The following KAZN variants were observed in gnomAD, a reference collection of about 807,000 sequenced individuals.
KAZN encodes the protein kazrin, periplakin interacting protein, also known as kazrin.
A neutral mutation model predicts 87.4 loss-of-function variants in KAZN; 40 were observed. The ratio of observed to expected loss-of-function variants is 0.46; its 90% CI spans 0.36 to 0.60. The LOEUF (loss-of-function observed/expected upper bound fraction) is 0.60. KAZN is among the 20% of genes least tolerant of loss of function. KAZN has a pLI of 0.00. For missense variants in KAZN, 898 were observed against 1,073.9 expected, an observed-to-expected ratio of 0.84 and a Z score of 2.29; for synonymous variants, 466 against 458.3, an observed-to-expected ratio of 1.02 and a Z score of -0.22.
intron 1 of KAZN, among the ~76,000 whole-genome samples, chr1:14,952,255 T>TGTGTGTGTG (rs1473355684): frequency 6.6e-6 from 1 of 151,562 alleles, no homozygotes; most frequent in African/African-American, 2.4e-5. Flanking sequence ...TGTGTGTGTG[T>TGTGTGTGTG]GTGTGTGTGT....
At chr1:14,337,634 G>A (rs776139069) in intron 2 of KAZN, among the ~76,000 whole-genome samples, 3 of 152,092 alleles carry the variant, frequency 2.0e-5, no homozygotes, top group Non-Finnish European at 2.9e-5. Context: ...GGTGGCTCAC[G>A]CCTGTAATCT....
chr1:14,903,792 A>G (rs572656769), intron 1 of KAZN, among the ~76,000 whole-genome samples: 1 of 152,238 alleles, frequency 6.6e-6, no homozygotes, highest in Non-Finnish European at 1.5e-5. Flanking sequence ...TAACCTTAGT[A>G]GGTTACATGT....
At chr1:14,327,332 G>A (rs939853750) in intron 2 of KAZN, among the ~76,000 whole-genome samples, 1 of 152,070 alleles carries the variant, frequency 6.6e-6, no homozygotes, top group African/African-American at 2.4e-5. Flanking sequence ...CACCTCCTGA[G>A]CCCCAGCCAC....
At chr1:14,410,099 A>T (rs897923419) in intron 2 of KAZN, among the ~76,000 whole-genome samples, 2 of 152,192 alleles carry the variant, frequency 1.3e-5, no homozygotes, top group African/African-American at 4.8e-5. Context: ...TAATTGGAAA[A>T]GTCCAATTTA....
chr1:14,371,506 T>C (rs1660480745), intron 2 of KAZN, among the ~76,000 whole-genome samples: 1 of 152,004 alleles, frequency 6.6e-6, no homozygotes, highest in Non-Finnish European at 1.5e-5. Flanking sequence ...AGGGCTAAAT[T>C]GGAAAAGGGT....
intron 1 of KAZN, among the ~76,000 whole-genome samples, chr1:14,920,695 C>G (rs1198970509): frequency 6.6e-6 from 1 of 152,164 alleles, no homozygotes; most frequent in Non-Finnish European, 1.5e-5. Flanking sequence ...AACAGTGGAG[C>G]ATTCACCCAA....
intron 2 of KAZN, among the ~76,000 whole-genome samples, chr1:14,407,756 A>ATGTC (rs1420322377): frequency 6.6e-6 from 1 of 152,194 alleles, no homozygotes; most frequent in East Asian, 1.9e-4. Context: ...AACAAAAACC[A>ATGTC]TGTCTTTTTT....
chr1:14,339,256 GGAAGA>G, intron 2 of KAZN, among the ~76,000 whole-genome samples: 1 of 152,190 alleles, frequency 6.6e-6, no homozygotes, highest in Admixed American at 6.5e-5. Context: ...CTTTGAATGG[GGAAGA>G]GAAAAAAGCA....
At chr1:14,085,575 C>G (rs1011612098) in intron 1 of KAZN, among the ~76,000 whole-genome samples, 1 of 152,224 alleles carries the variant, frequency 6.6e-6, no homozygotes, top group Non-Finnish European at 1.5e-5. Context: ...TTTTGACAGT[C>G]ATTCATGTTG....
At position 14,841,400 on chromosome 1, in the gene KAZN, C is replaced by T. The variant is rs532153414; in HGVS notation, c.227-119284C>T. On this transcript the variant is annotated intron_variant, in intron 1 of 14. Coordinates refer to ENST00000376030, the MANE Select transcript of KAZN (RefSeq NM_201628.3). The stretch of plus-strand genomic sequence containing the variant: ...CAGCCTGGGCGACAGAGCAAGACTC[C>T]GTCTCAAAAAAAAAAAAAAAAAAAA... Among the ~76,000 whole-genome samples, 682 of 96,244 alleles carry T rather than the reference C, an allele frequency of 7.1e-3. 7 individuals are homozygous for T. The highest frequency in any genetic ancestry group is 0.033 in the Middle Eastern group (3 of 92). The allele number at this position is 96,244 out of a possible 152,430, so 63.1% of individuals were successfully genotyped here. A position where few individuals can be genotyped will look rare whatever the true frequency, so the allele number is the denominator to read the frequency against.
chr1:14,229,471 A>G (rs551928197), intron 2 of KAZN, among the ~76,000 whole-genome samples: 1 of 152,348 alleles, frequency 6.6e-6, no homozygotes, highest in East Asian at 1.9e-4. Flanking sequence ...ATATAAAGGT[A>G]TGATCATATT....
At chr1:14,911,049 G>A (rs561290606) in intron 1 of KAZN, among the ~76,000 whole-genome samples, 1 of 152,286 alleles carries the variant, frequency 6.6e-6, no homozygotes, top group Admixed American at 6.5e-5. Flanking sequence ...TGAATCTGAG[G>A]CACCGTGAAC....
At chr1:14,576,448 G>C (rs1675191745) in intron 2 of KAZN, among the ~76,000 whole-genome samples, 1 of 151,990 alleles carries the variant, frequency 6.6e-6, no homozygotes, top group Non-Finnish European at 1.5e-5. Flanking sequence ...ACAATGGATG[G>C]ATGGATGGAT....
intron 1 of KAZN, among the ~76,000 whole-genome samples, chr1:14,064,779 G>C (rs1181228291): frequency 6.6e-6 from 1 of 152,184 alleles, no homozygotes; most frequent in Non-Finnish European, 1.5e-5. Flanking sequence ...TCAGGTGACT[G>C]TGCTTCTCCC....
chr1:15,080,582 CT>C (rs2100628521), intron 8 of KAZN, among the ~76,000 whole-genome samples: 1 of 152,330 alleles, frequency 6.6e-6, no homozygotes, highest in South Asian at 2.1e-4. Flanking sequence ...TTTCATGGGG[CT>C]TGTGACTGAG....
chr1:14,023,462 A>G (rs958194328), intron 1 of KAZN, among the ~76,000 whole-genome samples: 1 of 152,230 alleles, frequency 6.6e-6, no homozygotes, highest in Non-Finnish European at 1.5e-5. Context: ...CCATTTCTGC[A>G]GATGAGGAAA....
chr1:13,974,877 G>A (rs1638253277), intron 1 of KAZN, among the ~76,000 whole-genome samples: 1 of 152,128 alleles, frequency 6.6e-6, no homozygotes, highest in Non-Finnish European at 1.5e-5. Flanking sequence ...ATACCCTGGA[G>A]GTCTCACACA....
intron 2 of KAZN, among the ~76,000 whole-genome samples, chr1:14,255,718 C>G (rs1221408273): frequency 6.6e-6 from 1 of 152,218 alleles, no homozygotes; most frequent in Non-Finnish European, 1.5e-5. Context: ...AACCCCTTTA[C>G]AAGTGTGACA....
At chr1:14,573,171 A>G (rs1674973914) in intron 2 of KAZN, among the ~76,000 whole-genome samples, 1 of 152,194 alleles carries the variant, frequency 6.6e-6, no homozygotes, top group Non-Finnish European at 1.5e-5. Flanking sequence ...TAAACTACAC[A>G]GTGCTTCCCA....
Sources: allele counts gnomAD v4.1 joint callset (sites outside exome capture counted in the v4.1 genomes callset), GRCh38; gene constraint gnomAD v4.1.1; transcripts MANE v1.5; gene names NCBI Gene and HGNC (gene_info 2026-07-23, HGNC 2026-07-21).